Variants in SEMA6D observed in about 807,000 individuals in gnomAD.
SEMA6D encodes semaphorin-6D.
SEMA6D carries 35 observed loss-of-function variants against 106.6 expected under a neutral mutation model. The ratio of observed to expected loss-of-function variants is 0.33; its 90% CI spans 0.25 to 0.44. SEMA6D has a LOEUF of 0.44. SEMA6D is among the 20% of genes least tolerant of loss of function. The probability of loss-of-function intolerance (pLI) is 1.00; values close to 1 mark genes in which losing one functional copy is unlikely to be tolerated. For synonymous variants in SEMA6D, 499 were observed against 487.7 expected (o/e 1.02, Z -0.31); for missense variants, 1,185 against 1,345.9 (o/e 0.88, Z 1.87).
At chr15:47,413,394 T>A (rs1032623819) in intron 2 of SEMA6D, among the ~76,000 whole-genome samples, 1 of 152,158 alleles carries the variant, frequency 6.6e-6, no homozygotes, top group African/African-American at 2.4e-5. Context: ...TCCATTACCA[T>A]CTTCCTTTAA....
chr15:47,426,772 C>G (rs917699502), intron 2 of SEMA6D, among the ~76,000 whole-genome samples: 1 of 152,072 alleles, frequency 6.6e-6, no homozygotes, highest in African/African-American at 2.4e-5. Context: ...CTAGAAAGGA[C>G]TAGTTTTGAA....
intron 3 of SEMA6D, among the ~76,000 whole-genome samples, chr15:47,550,084 G>C (rs1273980761): frequency 6.6e-6 from 1 of 152,164 alleles, no homozygotes; most frequent in Non-Finnish European, 1.5e-5. Flanking sequence ...GCTATGGTAT[G>C]GTGCTTTATA....
chr15:47,665,904 G>T (rs2078017029), intron 4 of SEMA6D, among the ~76,000 whole-genome samples: 1 of 152,186 alleles, frequency 6.6e-6, no homozygotes, highest in African/African-American at 2.4e-5. Context: ...TTTTGCAGAT[G>T]AAGAAACAAC....
chr15:47,399,895 C>T (rs1208542971), intron 1 of SEMA6D, among the ~76,000 whole-genome samples: 3 of 152,202 alleles, frequency 2.0e-5, no homozygotes, highest in Non-Finnish European at 2.9e-5. Context: ...GTGTCAGGCT[C>T]ACCTGGTCCC....
chr15:47,605,686 G>A (rs946812079), intron 4 of SEMA6D, among the ~76,000 whole-genome samples: 6 of 152,136 alleles, frequency 3.9e-5, no homozygotes, highest in Non-Finnish European at 5.9e-5. Flanking sequence ...CAGAACTCAG[G>A]AAAGCACTTT....
chr15:47,293,432 T>C (rs2035674381), intron 1 of SEMA6D, among the ~76,000 whole-genome samples: 1 of 152,212 alleles, frequency 6.6e-6, no homozygotes, highest in Non-Finnish European at 1.5e-5. Flanking sequence ...TTAGCCTAAA[T>C]TCACCACTCT....
chr15:47,453,575 G>A (rs1415770980), intron 2 of SEMA6D, among the ~76,000 whole-genome samples: 1 of 151,914 alleles, frequency 6.6e-6, no homozygotes, highest in East Asian at 1.9e-4. Flanking sequence ...TTCGAGGTCA[G>A]GGAAGAGTCC....
intron 1 of SEMA6D, among the ~76,000 whole-genome samples, chr15:47,309,188 T>C (rs2036345897): frequency 6.6e-6 from 1 of 152,212 alleles, no homozygotes; most frequent in Non-Finnish European, 1.5e-5. Context: ...ACAGTTTCAG[T>C]TTCCCCATGT....
chr15:47,538,640 T>G (rs1203710458), intron 3 of SEMA6D, among the ~76,000 whole-genome samples: 1 of 152,206 alleles, frequency 6.6e-6, no homozygotes, highest in Non-Finnish European at 1.5e-5. Flanking sequence ...TTATAGTACA[T>G]GACAGAGTGT....
intron 3 of SEMA6D, among the ~76,000 whole-genome samples, chr15:47,511,457 G>A (rs888155577): frequency 6.6e-6 from 1 of 152,126 alleles, no homozygotes; most frequent in Admixed American, 6.5e-5. Context: ...CAGTTGGCCA[G>A]CAGTATAACC....
At chr15:47,548,126 T>C (rs1381252970) in intron 3 of SEMA6D, among the ~76,000 whole-genome samples, 1 of 152,160 alleles carries the variant, frequency 6.6e-6, no homozygotes, top group Non-Finnish European at 1.5e-5. Flanking sequence ...TGATGGCAAC[T>C]GATGTGGAAA....
chr15:47,570,472 C>T (rs2046351805), intron 3 of SEMA6D, among the ~76,000 whole-genome samples: 1 of 152,172 alleles, frequency 6.6e-6, no homozygotes, highest in Non-Finnish European at 1.5e-5. Flanking sequence ...GGTGAAACTT[C>T]TTTTTGACAT....
Position 47,348,723 on chromosome 15 carries a change from C to CAGAGAGAGAGAGAGAGAGAGAGAGAGAG in SEMA6D, c.-238-63669_-238-63668insGAGAGAGAGAGAGAGAGAGAGAGAGAGA, listed in dbSNP as rs1258338355. ...CACACACACACACACACACACCACA[C>CAGAGAGAGAGAGAGAGAGAGAGAGAGAG]ACACAGAGAGAGAGAGAGAGAGAGA... On this transcript the variant is annotated intron_variant, in intron 1 of 19. Transcript: ENST00000558014. Among the ~76,000 whole-genome samples the CAGAGAGAGAGAGAGAGAGAGAGAGAGAG allele has an allele frequency of 4.8e-4, 22 of 45,636 alleles. 1 individual carries two copies. The highest frequency in any genetic ancestry group is 8.6e-4 in the Non-Finnish European group (16 of 18,616). 29.9% of individuals were successfully genotyped at this position (45,636 alleles called of 152,430 possible).
chr15:47,241,698 G>GA (rs79852968), intron 1 of SEMA6D, among the ~76,000 whole-genome samples: 1,896 of 135,148 alleles, frequency 0.014, 28 homozygotes, highest in African/African-American at 0.041. Flanking sequence ...GAAAACGATG[G>GA]AAAAAAAAAA....
intron 1 of SEMA6D, among the ~76,000 whole-genome samples, chr15:47,306,057 C>T (rs1316501563): frequency 1.3e-5 from 2 of 152,138 alleles, no homozygotes; most frequent in Non-Finnish European, 2.9e-5. Flanking sequence ...TTTTGGCTCA[C>T]TGCAATCTCT....
intron 3 of SEMA6D, among the ~76,000 whole-genome samples, chr15:47,549,531 G>A (rs2045620473): frequency 6.6e-6 from 1 of 152,090 alleles, no homozygotes; most frequent in African/African-American, 2.4e-5. Context: ...CGGTATTATT[G>A]GGAGAAATCA....
intron 3 of SEMA6D, among the ~76,000 whole-genome samples, chr15:47,538,491 C>T (rs764393491): frequency 1.4e-3 from 220 of 152,222 alleles, no homozygotes; most frequent in Non-Finnish European, 2.4e-3. Context: ...AGTCCCAGTA[C>T]TAATATTAGA....
At position 47,731,134 on chromosome 15, in the gene SEMA6D, T is replaced by C. The variant is rs143048844; in HGVS notation, c.-55+13442T>C. On this transcript the variant is annotated intron_variant, in intron 1 of 18. Transcript: ENST00000536845. Reference sequence around the variant, plus strand: ...TACATTTTGCAACACTTTGCCCTTTTCTTTTGGGATCACGTAAACTTCATT... The same window carrying C: ...TACATTTTGCAACACTTTGCCCTTTCCTTTTGGGATCACGTAAACTTCATT... 3.9e-5 allele frequency among the ~76,000 whole-genome samples: 6 copies of C among 152,318 alleles called. No individual in the cohort carries two copies. The East Asian group carries it at 1.2e-3, about 29-fold the overall frequency.
At chr15:47,500,809 C>A (rs1415167170) in intron 3 of SEMA6D, among the ~76,000 whole-genome samples, 2 of 152,096 alleles carry the variant, frequency 1.3e-5, no homozygotes. Context: ...TCAATTGGTT[C>A]AGATTTACAT....
Sources: allele counts gnomAD v4.1 joint callset (sites outside exome capture counted in the v4.1 genomes callset), GRCh38; gene constraint gnomAD v4.1.1; transcripts MANE v1.5; gene names NCBI Gene and HGNC (gene_info 2026-07-23, HGNC 2026-07-21).